The following MYO16 variants were observed in gnomAD, a reference collection of about 807,000 sequenced individuals.
The protein encoded by MYO16 is unconventional myosin-XVI.
MYO16 carries 94 observed loss-of-function variants against 205.3 expected under a neutral mutation model. That is an observed-to-expected ratio of 0.46 (90% CI 0.39 to 0.54). MYO16 has a LOEUF of 0.54. MYO16 is among the 20% of genes least tolerant of loss of function. The pLI is 0.00. For missense variants in MYO16, 2,315 were observed against 2,387.5 expected (o/e 0.97, Z 0.63); for synonymous variants, 988 against 954.0 (o/e 1.04, Z -0.66).
intron 14 of MYO16, among the ~76,000 whole-genome samples, chr13:108,891,619 T>G (rs1049078150): frequency 8.5e-5 from 13 of 152,246 alleles, no homozygotes; most frequent in African/African-American, 2.9e-4. Context: ...TGGCACTGAT[T>G]TCAAAGTGCG....
intron 34 of MYO16, among the ~76,000 whole-genome samples, chr13:109,202,486 G>A (rs549573095): frequency 1.3e-5 from 2 of 152,156 alleles, no homozygotes; most frequent in Middle Eastern, 3.4e-3. Flanking sequence ...TATGTTTGTT[G>A]GGCATTTGTG....
At chr13:108,497,221 T>C in the MYO16 span, among the ~76,000 whole-genome samples, 1 of 152,224 alleles carries the variant, frequency 6.6e-6, no homozygotes, top group Non-Finnish European at 1.5e-5. Flanking sequence ...TTCTTTCTTT[T>C]GGGATTATTG....
At chr13:108,892,630 C>T (rs574348311) in intron 14 of MYO16, among the ~76,000 whole-genome samples, 111 of 152,306 alleles carry the variant, frequency 7.3e-4, no homozygotes, top group African/African-American at 2.6e-3. Context: ...TGACAACTGA[C>T]ACTTAAGAGT....
intron 4 of MYO16, among the ~76,000 whole-genome samples, chr13:108,773,313 G>A (rs1252342877): frequency 6.6e-6 from 1 of 152,162 alleles, no homozygotes; most frequent in East Asian, 1.9e-4. Flanking sequence ...TCTTAAGGTT[G>A]CCATAATAGA....
chr13:109,011,143 C>T (rs1885582706), intron 22 of MYO16, among the ~76,000 whole-genome samples: 1 of 151,894 alleles, frequency 6.6e-6, no homozygotes, highest in Non-Finnish European at 1.5e-5. Context: ...CAACAGCAGT[C>T]TCACCAGGCA....
intron 4 of MYO16, among the ~76,000 whole-genome samples, chr13:108,745,535 C>T (rs535849651): frequency 1.9e-4 from 29 of 152,120 alleles, no homozygotes; most frequent in Non-Finnish European, 3.5e-4. Context: ...TCTAGAGTTA[C>T]AGCAAACATT....
At chr13:109,020,280 A>G in intron 23 of MYO16, among the ~76,000 whole-genome samples, 1 of 152,252 alleles carries the variant, frequency 6.6e-6, no homozygotes, top group Non-Finnish European at 1.5e-5. Context: ...GTATTAAAGT[A>G]TTTTTTATTA....
intron 6 of MYO16, among the ~76,000 whole-genome samples, chr13:108,802,753 G>A (rs551732179): frequency 3.9e-5 from 6 of 152,138 alleles, no homozygotes; most frequent in African/African-American, 1.2e-4. Context: ...TCATCTTTTT[G>A]AACAGCCATC....
intron 7 of MYO16, among the ~76,000 whole-genome samples, chr13:108,810,984 G>A (rs187021464): frequency 3.9e-5 from 6 of 152,264 alleles, no homozygotes; most frequent in Non-Finnish European, 8.8e-5. Context: ...TAAATTATGT[G>A]AGCAATAAGT....
chr13:109,070,042 A>T (rs1178947237), intron 27 of MYO16, among the ~76,000 whole-genome samples: 1 of 152,208 alleles, frequency 6.6e-6, no homozygotes, highest in Non-Finnish European at 1.5e-5. Context: ...TTGCCAGCAG[A>T]ATTATTCTAG....
intron 3 of MYO16, among the ~76,000 whole-genome samples, chr13:108,716,481 G>C (rs1043906176): frequency 6.6e-6 from 1 of 152,224 alleles, no homozygotes; most frequent in Non-Finnish European, 1.5e-5. Context: ...GAAGGAGGAG[G>C]TGCTCAGTGC....
At chr13:109,120,739 C>G (rs1234327724) in intron 29 of MYO16, among the ~76,000 whole-genome samples, 1 of 152,128 alleles carries the variant, frequency 6.6e-6, no homozygotes, top group Non-Finnish European at 1.5e-5. Context: ...GGATATGCCC[C>G]TATGTGAATC....
intron 27 of MYO16, among the ~76,000 whole-genome samples, chr13:109,064,605 G>T (rs570621544): frequency 5.9e-5 from 9 of 152,210 alleles, no homozygotes; most frequent in African/African-American, 2.2e-4. Context: ...AATCTTTGTT[G>T]TTATTATTAT....
chr13:108,978,319 T>C (rs1034620142), intron 20 of MYO16, among the ~76,000 whole-genome samples: 2 of 152,126 alleles, frequency 1.3e-5, no homozygotes, highest in Admixed American at 6.6e-5. Flanking sequence ...AAATTTGTGA[T>C]GATAATGGAT....
At chr13:108,706,036 T>G (rs531405259) in intron 2 of MYO16, among the ~76,000 whole-genome samples, 98 of 152,254 alleles carry the variant, frequency 6.4e-4, no homozygotes, top group Admixed American at 4.8e-3. Context: ...TACTGAAATA[T>G]AAGATCAAGA....
chr13:109,075,103 T>C (rs375264010), intron 27 of MYO16, among the ~76,000 whole-genome samples: 80 of 152,284 alleles, frequency 5.3e-4, no homozygotes, highest in African/African-American at 1.9e-3. Context: ...TGATAGATAT[T>C]TGGGTTTTCT....
chr13:109,111,879 G>C (rs749450592), intron 28 of MYO16, among the ~76,000 whole-genome samples: 1 of 152,082 alleles, frequency 6.6e-6, no homozygotes, highest in East Asian at 1.9e-4. Flanking sequence ...GTAGAGACAG[G>C]GTTTCACCAT....
chr13:108,980,056 C>G (rs1884400654), intron 20 of MYO16, among the ~76,000 whole-genome samples: 1 of 152,020 alleles, frequency 6.6e-6, no homozygotes, highest in African/African-American at 2.4e-5. Flanking sequence ...TACATGTTTT[C>G]AGGAGATGGA....
At chr13:109,101,069 A>G (rs190029628) in intron 28 of MYO16, among the ~76,000 whole-genome samples, 182 bp downstream of exon 28, 2 of 152,268 alleles carry the variant, frequency 1.3e-5, no homozygotes, top group South Asian at 2.1e-4. Flanking sequence ...CGATTTTAAC[A>G]TCTTGCAGCC....
Sources: allele counts gnomAD v4.1 joint callset (sites outside exome capture counted in the v4.1 genomes callset), GRCh38; gene constraint gnomAD v4.1.1; transcripts MANE v1.5; gene names NCBI Gene and HGNC (gene_info 2026-07-23, HGNC 2026-07-21).